The following EIF2S3 variants were observed in gnomAD, a reference collection of about 807,000 sequenced individuals.
EIF2S3 encodes the protein eukaryotic translation initiation factor 2 subunit 3.
EIF2S3 carries 2 observed loss-of-function variants against 31.7 expected under a neutral mutation model. The observed-to-expected ratio is 0.06, with a 90% CI of 0.03 to 0.20. The LOEUF (loss-of-function observed/expected upper bound fraction) is 0.20. Among genes scored for constraint, EIF2S3 ranks in the 10% least tolerant of loss-of-function variants. EIF2S3 has a pLI of 1.00. For synonymous variants in EIF2S3, 120 were observed against 126.7 expected (o/e 0.95, Z 0.36); for missense variants, 96 against 359.3 (o/e 0.27, Z 5.92).
intron 11 of EIF2S3, among the ~76,000 whole-genome samples, chrX:24,073,726 T>C (rs1239378056): frequency 8.9e-6 from 1 of 111,945 alleles, no homozygotes. Flanking sequence ...TAGTCCCATA[T>C]TTTAGTCCAA....
At chrX:24,060,610 T>C (rs1930475260) in intron 5 of EIF2S3, 1 of 135,121 alleles carries the variant, frequency 7.4e-6, no homozygotes, top group Middle Eastern at 3.4e-3. Context: ...TTTTGAAGGG[T>C]AGCGTATGCT....
In EIF2S3 at chrX:24,073,090, G is replaced by T; in HGVS notation, c.1183-1G>T. ...TATTTTTCCCTAATTTATTTTTCTA[G>T]GTTCAAAAGCTGTCTAAGAATGAAG... On this transcript the variant is annotated splice_acceptor_variant, in intron 10 of 11. Transcript: ENST00000253039. LOFTEE classifies it high-confidence loss of function. 1 of 1,185,366 alleles carries T rather than the reference G, an allele frequency of 8.4e-7. No homozygotes were observed. Among genetic ancestry groups the T allele is most frequent in the Non-Finnish European group, 1.1e-6 (1 of 884,112 alleles).
chrX:24,075,157 G>A lies in EIF2S3; in HGVS notation c.1356-1565G>A, dbSNP rs148984220. 6.2e-3 allele frequency among the ~76,000 whole-genome samples: 686 copies of A among 110,474 alleles called. 7 individuals carry two copies. Among genetic ancestry groups the A allele is most frequent in the African/African-American group, 0.022 (658 of 30,487 alleles). On this transcript the variant is annotated intron_variant, in intron 11 of 11. Coordinates refer to ENST00000253039, the MANE Select transcript of EIF2S3 (RefSeq NM_001415.4). ...TGGGATTACAGGCATGAGCCACCACGCCTGACCTCTTTCTTCTTTTTTTTG... is the reference window on the plus strand; with the variant it reads ...TGGGATTACAGGCATGAGCCACCACACCTGACCTCTTTCTTCTTTTTTTTG...
intron 8 of EIF2S3, 98 bp from the exon 9 acceptor site, chrX:24,067,866 A>G: frequency 1.0e-6 from 1 of 980,260 alleles, no homozygotes. Flanking sequence ...AGGATTACAC[A>G]TGTGAGCCAC....
intron 11 of EIF2S3, 80 bp downstream of exon 11, chrX:24,073,343 T>G: frequency 9.2e-7 from 1 of 1,092,603 alleles, no homozygotes; most frequent in East Asian, 3.0e-5. Flanking sequence ...CAATCTTCCT[T>G]GAGGACAACA....
chrX:24,059,967 C>T (rs1930466379), intron 4 of EIF2S3, 121 bp from the exon 5 acceptor site: 1 of 525,257 alleles, frequency 1.9e-6, no homozygotes, highest in East Asian at 3.7e-5. Flanking sequence ...AACGACAAGC[C>T]CTGTAACCAT....
intron 11 of EIF2S3, among the ~76,000 whole-genome samples, chrX:24,074,262 A>T (rs918274847): frequency 8.9e-6 from 1 of 112,159 alleles, no homozygotes; most frequent in South Asian, 3.7e-4. Flanking sequence ...ATATTCCTCA[A>T]TTTGGGTTTT....
At chrX:24,067,863 C>T in intron 8 of EIF2S3, 101 bp from the exon 9 acceptor site, 1 of 958,131 alleles carries the variant, frequency 1.0e-6, no homozygotes, top group Non-Finnish European at 1.4e-6. Flanking sequence ...GCTAGGATTA[C>T]ACATGTGAGC....
intron 5 of EIF2S3, chrX:24,060,539 T>C: frequency 4.8e-6 from 1 of 206,230 alleles, no homozygotes; most frequent in Non-Finnish European, 8.9e-6. Flanking sequence ...AACTGTCTAC[T>C]GTGGAAGTAT....
intron 5 of EIF2S3, among the ~76,000 whole-genome samples, chrX:24,061,665 A>G (rs1047138339): frequency 8.1e-5 from 9 of 111,281 alleles, no homozygotes; most frequent in Non-Finnish European, 1.5e-4. Context: ...TCAACAAAAC[A>G]TGCCTATTTC....
chrX:24,071,194 CT>C (rs779322058), intron 9 of EIF2S3, among the ~76,000 whole-genome samples: 85 of 100,917 alleles, frequency 8.4e-4, no homozygotes, highest in Admixed American at 1.4e-3. Context: ...ATCTAATTCA[CT>C]TTTTTTTTTT....
intron 9 of EIF2S3, among the ~76,000 whole-genome samples, chrX:24,068,646 G>A (rs1028388142): frequency 4.5e-5 from 5 of 110,850 alleles, no homozygotes; most frequent in African/African-American, 9.8e-5. Context: ...GGGTTTCACC[G>A]TGTTGCCCAG....
At chrX:24,059,212 A>C (rs1930453885) in intron 4 of EIF2S3, among the ~76,000 whole-genome samples, 1 of 111,965 alleles carries the variant, frequency 8.9e-6, no homozygotes, top group Non-Finnish European at 1.9e-5. Flanking sequence ...AACGTAGACA[A>C]TACGTGTGTA....
chrX:24,055,400 A>G (rs865830722), intron 1 of EIF2S3, among the ~76,000 whole-genome samples: 8 of 111,534 alleles, frequency 7.2e-5, no homozygotes, highest in African/African-American at 2.3e-4. Flanking sequence ...GATATCCCCT[A>G]ATAGTTGAGT....
intron 10 of EIF2S3, among the ~76,000 whole-genome samples, chrX:24,072,483 G>A (rs1222134546): frequency 1.8e-5 from 2 of 110,158 alleles, no homozygotes; most frequent in Admixed American, 9.8e-5. Context: ...GAGTTTTGCC[G>A]CATTACCCAG....
intron 9 of EIF2S3, among the ~76,000 whole-genome samples, chrX:24,070,691 C>T (rs891493023): frequency 2.7e-5 from 3 of 110,648 alleles, no homozygotes; most frequent in Non-Finnish European, 5.7e-5. Flanking sequence ...CCAACTTGGG[C>T]CTCCCCAAGT....
chrX:24,069,905 G>A (rs1302929716), intron 9 of EIF2S3, among the ~76,000 whole-genome samples: 1 of 108,801 alleles, frequency 9.2e-6, no homozygotes, highest in Non-Finnish European at 1.9e-5. Context: ...TGGCCAGGCT[G>A]GTCTCGAACT....
At chrX:24,064,110 T>C in intron 6 of EIF2S3, 91 bp from the exon 7 acceptor site, 3 of 805,755 alleles carry the variant, frequency 3.7e-6, no homozygotes, top group Non-Finnish European at 4.9e-6. Context: ...TCTATTTTAT[T>C]ATAGTAATCT....
At chrX:24,059,634 G>C (rs1472404499) in intron 4 of EIF2S3, among the ~76,000 whole-genome samples, 1 of 111,304 alleles carries the variant, frequency 9.0e-6, no homozygotes, top group Non-Finnish European at 1.9e-5. Flanking sequence ...CGTTGGTCAG[G>C]CTGGTCTCAA....
Sources: allele counts gnomAD v4.1 joint callset (sites outside exome capture counted in the v4.1 genomes callset), GRCh38; gene constraint gnomAD v4.1.1; transcripts MANE v1.5; gene names NCBI Gene and HGNC (gene_info 2026-07-23, HGNC 2026-07-21).